The following ZNF423 variants were observed in gnomAD, a reference collection of about 807,000 sequenced individuals.
The protein encoded by ZNF423 is zinc finger protein 423.
Under a neutral mutation model 95.8 loss-of-function variants are expected in ZNF423, and 12 were observed. The ratio of observed to expected loss-of-function variants is 0.13; its 90% confidence interval spans 0.08 to 0.20. The LOEUF (loss-of-function observed/expected upper bound fraction) is 0.20, where lower values mean the gene tolerates loss of function less well. Ranked by LOEUF, ZNF423 falls within the 10% of genes least tolerant of loss-of-function variation. The pLI, the probability that ZNF423 is intolerant of heterozygous loss-of-function variation, is 1.00. For missense variants in ZNF423, 1,316 were observed against 1,737.1 expected (o/e 0.76, Z 4.31); for synonymous variants, 749 against 711.9 (o/e 1.05, Z -0.83).
chr16:49,794,012 T>C (rs1243181572), intron 1 of ZNF423, among the ~76,000 whole-genome samples: 1 of 117,318 alleles, frequency 8.5e-6, no homozygotes, highest in Non-Finnish European at 1.8e-5. Context: ...TCTGTCTCTG[T>C]CTGTCTCTGT....
intron 3 of ZNF423, among the ~76,000 whole-genome samples, chr16:49,689,316 G>C (rs959364947): frequency 6.6e-6 from 1 of 151,158 alleles, no homozygotes; most frequent in African/African-American, 2.4e-5. Flanking sequence ...GAATTAGCCA[G>C]GCGTGGTGGT....
intron 1 of ZNF423, among the ~76,000 whole-genome samples, chr16:49,852,846 TGCG>T (rs1290411577): frequency 8.1e-5 from 12 of 147,350 alleles, no homozygotes; most frequent in Admixed American, 1.4e-4. Flanking sequence ...ACAAACACAC[TGCG>T]GGGACAAGGG....
At chr16:49,770,592 G>A (rs1175446439) in intron 2 of ZNF423, among the ~76,000 whole-genome samples, 1 of 152,118 alleles carries the variant, frequency 6.6e-6, no homozygotes. Flanking sequence ...GAAGACTCAC[G>A]TGCAAAGGGT....
chr16:49,679,383 G>A (rs988220060), intron 3 of ZNF423, among the ~76,000 whole-genome samples: 7 of 152,248 alleles, frequency 4.6e-5, no homozygotes, highest in African/African-American at 7.2e-5. Flanking sequence ...GCTCTTGGGA[G>A]CCTGGGAGGC....
chr16:49,580,690 T>A (rs779913091), intron 5 of ZNF423, among the ~76,000 whole-genome samples: 6 of 152,184 alleles, frequency 3.9e-5, no homozygotes, highest in Admixed American at 6.5e-5. Context: ...GATTCAGATA[T>A]TTAAGAAGCC....
intron 7 of ZNF423, among the ~76,000 whole-genome samples, chr16:49,496,499 C>T (rs1015054987): frequency 2.0e-5 from 3 of 152,176 alleles, no homozygotes; most frequent in African/African-American, 7.2e-5. Context: ...GCTCCCCTTG[C>T]CTTCCATCAT....
intron 7 of ZNF423, among the ~76,000 whole-genome samples, chr16:49,521,356 C>A (rs1193313429): frequency 6.6e-6 from 1 of 152,238 alleles, no homozygotes; most frequent in East Asian, 1.9e-4. Context: ...CTATAGAAAG[C>A]CTCCTCTGTC....
intron 3 of ZNF423, chr16:49,640,813 C>T (rs1202405026): frequency 6.6e-6 from 1 of 152,424 alleles, no homozygotes; most frequent in Non-Finnish European, 1.5e-5. Flanking sequence ...ACCTTCTCCC[C>T]CGGGGGCCTC....
At chr16:49,818,030 A>T (rs1341952661) in intron 1 of ZNF423, among the ~76,000 whole-genome samples, 1 of 151,992 alleles carries the variant, frequency 6.6e-6, no homozygotes, top group East Asian at 1.9e-4. Context: ...GCTGTATTCC[A>T]TCACCACCAA....
In ZNF423 at chr16:49,796,755, C is replaced by T. The variant is rs117064778; in HGVS notation, c.41-7209G>A. Reference sequence around the variant, plus strand: ...TGAACTCCAAAATCCATGCTGGGGCCACTTGCTCAGCCTGGCTTGAAGGCT... The same window carrying T: ...TGAACTCCAAAATCCATGCTGGGGCTACTTGCTCAGCCTGGCTTGAAGGCT... On this transcript the variant is annotated intron_variant, in intron 1 of 7. Coordinates refer to ENST00000563137, the MANE Select transcript of ZNF423 (RefSeq NM_001379286.1). Among the ~76,000 whole-genome samples, 29 of 152,240 alleles carry T rather than the reference C, an allele frequency of 1.9e-4. No individual in the cohort carries two copies. The East Asian group carries it at 5.2e-3, about 27-fold the overall frequency.
chr16:49,693,531 C>G (rs191942370), intron 3 of ZNF423, among the ~76,000 whole-genome samples: 2 of 152,302 alleles, frequency 1.3e-5, no homozygotes, highest in African/African-American at 4.8e-5. Context: ...TAGACCAGCC[C>G]TGTCTTCCTT....
intron 3 of ZNF423, among the ~76,000 whole-genome samples, chr16:49,655,224 G>T (rs8055750): frequency 5.8e-4 from 88 of 152,220 alleles, no homozygotes; most frequent in African/African-American, 2.0e-3. Context: ...AGAGCCCATC[G>T]TCAAGACCTT....
At chr16:49,602,903 G>A (rs1971422294) in intron 5 of ZNF423, among the ~76,000 whole-genome samples, 1 of 152,218 alleles carries the variant, frequency 6.6e-6, no homozygotes, top group South Asian at 2.1e-4. Context: ...TCTATTTTGT[G>A]AGCAAACCCC....
chr16:49,663,627 G>A (rs1451707862), intron 3 of ZNF423, among the ~76,000 whole-genome samples: 1 of 152,204 alleles, frequency 6.6e-6, no homozygotes, highest in Non-Finnish European at 1.5e-5. Context: ...GCTTCAGGAG[G>A]GCACGGGAGA....
intron 7 of ZNF423, among the ~76,000 whole-genome samples, chr16:49,513,895 A>G (rs955210074): frequency 1.6e-4 from 24 of 152,066 alleles, no homozygotes; most frequent in Non-Finnish European, 3.1e-4. Flanking sequence ...TACTTCCTGC[A>G]GGCAGATAGG....
intron 1 of ZNF423, among the ~76,000 whole-genome samples, chr16:49,839,856 C>A (rs2035164882): frequency 6.6e-6 from 1 of 152,170 alleles, no homozygotes; most frequent in African/African-American, 2.4e-5. Flanking sequence ...CCCCCAGCTC[C>A]CCTCATGAAG....
intron 1 of ZNF423, among the ~76,000 whole-genome samples, chr16:49,830,276 G>C (rs1223981911): frequency 1.3e-5 from 2 of 152,242 alleles, no homozygotes; most frequent in East Asian, 3.9e-4. Context: ...CACAGTCCTA[G>C]GACATGAGTT....
intron 5 of ZNF423, among the ~76,000 whole-genome samples, chr16:49,618,404 C>T (rs1195832776): frequency 6.6e-6 from 1 of 152,158 alleles, no homozygotes; most frequent in African/African-American, 2.4e-5. Context: ...GAGGGAGAGA[C>T]CTGTAATCCC....
chr16:49,797,294 G>A (rs1007376477), intron 1 of ZNF423, among the ~76,000 whole-genome samples: 5 of 152,144 alleles, frequency 3.3e-5, no homozygotes, highest in Non-Finnish European at 7.3e-5. Context: ...TGCACAGAAG[G>A]CCAAGCAAAG....
Sources: allele counts gnomAD v4.1 joint callset (sites outside exome capture counted in the v4.1 genomes callset), GRCh38; gene constraint gnomAD v4.1.1; transcripts MANE v1.5; gene names NCBI Gene and HGNC (gene_info 2026-07-23, HGNC 2026-07-21).